The following MAP3K13 variants were observed in gnomAD, a reference collection of about 807,000 sequenced individuals.
MAP3K13 encodes the protein leucine zipper-bearing kinase.
In MAP3K13, 52 loss-of-function variants were observed where a neutral mutation model predicts 104.0. That is an observed-to-expected ratio of 0.50 (90% CI 0.40 to 0.63). The LOEUF (loss-of-function observed/expected upper bound fraction) is 0.63. Among genes scored for constraint, MAP3K13 ranks in the 20% least tolerant of loss-of-function variants. The pLI, the probability that MAP3K13 is intolerant of heterozygous loss-of-function variation, is 0.00. For synonymous variants in MAP3K13, 394 were observed against 442.2 expected, an observed-to-expected ratio of 0.89 and a Z score of 1.37; for missense variants, 914 against 1,218.5, an observed-to-expected ratio of 0.75 and a Z score of 3.72.
intron 1 of MAP3K13, chr3:185,417,950 A>C: frequency 6.2e-7 from 1 of 1,607,058 alleles, no homozygotes; most frequent in Non-Finnish European, 8.5e-7. Flanking sequence ...GGAAGATTGT[A>C]GTTACTCTTG....
rs145091547 is a variant in MAP3K13, at chr3:185,477,482, G to T, written c.2501+86G>T. The T allele has an allele frequency of 8.3e-6, 8 of 960,982 alleles. No individual in the cohort carries two copies. The Admixed American group carries it at 1.1e-4, about 13-fold the overall frequency. The allele number at this position is 960,982 out of a possible 1,614,324, so 59.5% of individuals were successfully genotyped here. A position where few individuals can be genotyped will look rare whatever the true frequency, so the allele number is the denominator to read the frequency against. ...TGCCACACCTGCTCTTCAACCACAGGTGATTCCCTGGCAGCCACCTTATAG... is the reference window on the plus strand; with the variant it reads ...TGCCACACCTGCTCTTCAACCACAGTTGATTCCCTGGCAGCCACCTTATAG... On this transcript the variant is annotated intron_variant, in intron 12 of 13. Transcript: ENST00000265026.
At chr3:185,409,583 C>T (rs1713312082) in intron 1 of MAP3K13, among the ~76,000 whole-genome samples, 4 of 151,916 alleles carry the variant, frequency 2.6e-5, no homozygotes, top group Admixed American at 6.6e-5. Context: ...GAGCGTTCCT[C>T]AAAAAAACAC....
intron 2 of MAP3K13, among the ~76,000 whole-genome samples, chr3:185,286,729 A>G (rs1469588473): frequency 6.6e-6 from 1 of 152,190 alleles, no homozygotes; most frequent in African/African-American, 2.4e-5. Context: ...ATATACATAC[A>G]TACAAAACTT....
intron 7 of MAP3K13, among the ~76,000 whole-genome samples, chr3:185,457,782 G>A (rs9832000): frequency 0.71 from 108,392 of 151,958 alleles, 40,618 homozygotes; most frequent in Non-Finnish European, 0.83. Context: ...GAATTTTCTC[G>A]GTATTTATAA....
At chr3:185,419,208 G>A (rs1264543109) in intron 1 of MAP3K13, among the ~76,000 whole-genome samples, 2 of 152,018 alleles carry the variant, frequency 1.3e-5, no homozygotes, top group Non-Finnish European at 2.9e-5. Flanking sequence ...CACCATGTTG[G>A]CCAGGCTGGT....
intron 4 of MAP3K13, among the ~76,000 whole-genome samples, chr3:185,444,381 G>A (rs1014051738): frequency 2.0e-5 from 3 of 151,784 alleles, no homozygotes; most frequent in Non-Finnish European, 4.4e-5. Flanking sequence ...ATAAAAAGAA[G>A]CAGAGGCAAA....
At chr3:185,312,676 C>T (rs1721535980) in intron 2 of MAP3K13, among the ~76,000 whole-genome samples, 1 of 152,066 alleles carries the variant, frequency 6.6e-6, no homozygotes, top group Non-Finnish European at 1.5e-5. Flanking sequence ...AAATCAAAAG[C>T]ATCTTGATGC....
rs200441685 is a variant in MAP3K13 at position 185,480,471 on chromosome 3, G to A, written c.2741G>A (p.Arg914His). 2.0e-4 allele frequency: 316 copies of A among 1,614,016 alleles called. 1 individual carries two copies. The highest frequency in any genetic ancestry group is 4.5e-5 in the East Asian group (2 of 44,896). The part of the protein sequence containing the change: ...DGLSDKECAV[R>H]RVKTQMSLGK... ...CTCTCTGACAAGGAGTGTGCCGTGCGCCGTGTGAAGACTCAGATGTCTCTG... is the reference window on the plus strand; with the variant it reads ...CTCTCTGACAAGGAGTGTGCCGTGCACCGTGTGAAGACTCAGATGTCTCTG... Residue 914 changes from arginine (R) to histidine (H), a missense_variant, in exon 13 of 14, where the codon CGC becomes CAC. Physicochemically the swap from Arg to His is conservative, Grantham distance 29. Coordinates refer to ENST00000265026, the MANE Select transcript of MAP3K13 (RefSeq NM_004721.5).
At chr3:185,378,021 G>C (rs912214412) in intron 1 of MAP3K13, among the ~76,000 whole-genome samples, 13 of 152,220 alleles carry the variant, frequency 8.5e-5, no homozygotes, top group Admixed American at 5.2e-4. Flanking sequence ...GGAGGTTCTG[G>C]AGGAACCCCT....
chr3:185,365,848 CCCCATCCCCTCCCCT>C (rs1458112586), intron 1 of MAP3K13, among the ~76,000 whole-genome samples: 16 of 7,868 alleles, frequency 2.0e-3, no homozygotes, highest in Admixed American at 3.3e-3. Context: ...ACCTCTTTCT[CCCCATCCCCTCCCCT>C]CCCCTCCCCT....
chr3:185,487,842 C>T lies in MAP3K13; in HGVS notation c.*5386C>T, dbSNP rs1466162184. 6.6e-6 allele frequency: 1 copy of T among 152,242 alleles called. No homozygotes were observed. Among genetic ancestry groups the T allele is most frequent in the Non-Finnish European group, 1.5e-5 (1 of 68,058 alleles). 9.4% of individuals were successfully genotyped at this position (152,242 alleles called of 1,614,324 possible). On this transcript the variant is annotated 3_prime_UTR_variant, in exon 14 of 14. Coordinates refer to ENST00000265026, the MANE Select transcript of MAP3K13 (RefSeq NM_004721.5). ...TAGACACAGCCTCAGAACCTCTCAA[C>T]ATAGCACTTGGAGCAACAATTGCCG... is the stretch of plus-strand genomic sequence containing the variant.
intron 1 of MAP3K13, among the ~76,000 whole-genome samples, chr3:185,375,477 A>G (rs1256555420): frequency 6.6e-6 from 1 of 152,178 alleles, no homozygotes; most frequent in Non-Finnish European, 1.5e-5. Flanking sequence ...CTTGTAACCT[A>G]CATGGAAGAG....
At chr3:185,291,808 T>A in intron 2 of MAP3K13, 1 of 1,313,840 alleles carries the variant, frequency 7.6e-7, no homozygotes, top group Non-Finnish European at 9.6e-7. Flanking sequence ...CCATTTTATA[T>A]CCCTTCCTCT....
At chr3:185,432,185 CTTTTTTTTT>C (rs11407161) in intron 2 of MAP3K13, among the ~76,000 whole-genome samples, 1 of 90,112 alleles carries the variant, frequency 1.1e-5, no homozygotes, top group African/African-American at 4.3e-5. Context: ...TTTCTAATTG[CTTTTTTTTT>C]TTTTTTTTTT....
At chr3:185,457,776 T>C (rs1355406158) in intron 7 of MAP3K13, among the ~76,000 whole-genome samples, 1 of 152,192 alleles carries the variant, frequency 6.6e-6, no homozygotes, top group East Asian at 1.9e-4. Flanking sequence ...CTCCTAGAAT[T>C]TTCTCGGTAT....
Position 185,450,983 on chromosome 3 carries a change from A to G in MAP3K13, c.1170-304A>G, listed in dbSNP as rs945244074. On this transcript the variant is annotated intron_variant, in intron 6 of 13. Transcript: ENST00000265026. This position sits in a 1 kb window ranked among gnomAD's most constrained non-coding sequence, Gnocchi z 4.2. The stretch of plus-strand genomic sequence containing the variant: ...CGGGTGCCTGTAGTCCCAGCTACTC[A>G]GGAGGCTGAGGCAGGAGAATGGCGT... Among the ~76,000 whole-genome samples the G allele has an allele frequency of 1.3e-5, 2 of 152,134 alleles. No homozygotes were observed. Among genetic ancestry groups the G allele is most frequent in the Non-Finnish European group, 2.9e-5 (2 of 68,014 alleles).
chr3:185,383,422 C>G lies in MAP3K13; in HGVS notation c.-86+20054C>G, dbSNP rs569499941. The stretch of plus-strand genomic sequence containing the variant: ...AATATTTTTTAAAAAATTAGCTGGG[C>G]GTGGTGGCGGGCACCTGTAGTCCCA... On this transcript the variant is annotated intron_variant, in intron 1 of 13. Coordinates refer to ENST00000265026, the MANE Select transcript of MAP3K13 (RefSeq NM_004721.5). Among the ~76,000 whole-genome samples, 2 of 152,030 alleles carry G rather than the reference C, an allele frequency of 1.3e-5. 1 individual carries two copies. The highest frequency in any genetic ancestry group is 4.2e-4 in the South Asian group (2 of 4,806).
At chr3:185,458,401 T>C (rs944450651) in intron 7 of MAP3K13, among the ~76,000 whole-genome samples, 1 of 151,656 alleles carries the variant, frequency 6.6e-6, no homozygotes, top group African/African-American at 2.4e-5. Context: ...CATTATGTCA[T>C]TATTCTTGAG....
chr3:185,482,204 C>T lies in MAP3K13; in HGVS notation c.2800-151C>T. 1.6e-6 allele frequency: 1 copy of T among 618,822 alleles called. No homozygotes were observed. The highest frequency in any genetic ancestry group is 1.9e-5 in the South Asian group (1 of 51,590). The allele number at this position is 618,822 out of a possible 1,614,324, so 38.3% of individuals were successfully genotyped here. ...AGCAATCATAATCATCATGTGTTTT[C>T]TTTCTCCATAAGTCCCACAAGGACA... On this transcript the variant is annotated intron_variant, in intron 13 of 13. Coordinates refer to ENST00000265026, the MANE Select transcript of MAP3K13 (RefSeq NM_004721.5). This position sits in a 1 kb window ranked among gnomAD's most constrained non-coding sequence, Gnocchi z 4.5.
Sources: allele counts gnomAD v4.1 joint callset (sites outside exome capture counted in the v4.1 genomes callset), GRCh38; gene constraint gnomAD v4.1.1; non-coding constraint Gnocchi (gnomAD v3.1); transcripts MANE v1.5; gene names NCBI Gene and HGNC (gene_info 2026-07-23, HGNC 2026-07-21).